KIF13A: variants seen among roughly 807,000 people sequenced by gnomAD.
KIF13A encodes kinesin-like protein KIF13A.
In KIF13A, 79 loss-of-function variants were observed where a neutral mutation model predicts 212.2. That is an observed-to-expected ratio of 0.37 (90% confidence interval 0.31 to 0.45). The LOEUF (loss-of-function observed/expected upper bound fraction) is 0.45, where lower values mean the gene tolerates loss of function less well. KIF13A is among the 20% of genes least tolerant of loss of function. KIF13A has a pLI of 1.00. For missense variants in KIF13A, 1,901 were observed against 2,209.0 expected (o/e 0.86, Z 2.79); for synonymous variants, 789 against 808.6 (o/e 0.98, Z 0.41).
At chr6:17,960,112 C>T (rs1002577216) in intron 2 of KIF13A, among the ~76,000 whole-genome samples, 2 of 151,846 alleles carry the variant, frequency 1.3e-5, no homozygotes, top group African/African-American at 4.8e-5. Context: ...AAAGGTTTAT[C>T]ATGCATTCAT....
intron 2 of KIF13A, among the ~76,000 whole-genome samples, chr6:17,986,791 C>G (rs563134883): frequency 6.6e-6 from 1 of 152,252 alleles, no homozygotes; most frequent in Admixed American, 6.5e-5. Flanking sequence ...GGCCCTCTCC[C>G]TCCCGGGTGC....
chr6:17,976,801 CAAAAA>C (rs998413837), intron 2 of KIF13A, among the ~76,000 whole-genome samples: 7 of 98,746 alleles, frequency 7.1e-5, no homozygotes, highest in Admixed American at 6.7e-4. Flanking sequence ...GACTCCATCT[CAAAAA>C]AAAAAAAAAA....
rs12211658 is a variant in KIF13A at position 17,764,729 on chromosome 6, A to G, written c.4799T>C (p.Phe1600Ser). The change falls in exon 39 of 39, where the codon TTT (phenylalanine) becomes TCT (serine). Residue 1600 changes from phenylalanine (F) to serine (S), a missense_variant. Phe to Ser is a radical substitution (Grantham distance 155). Coordinates refer to ENST00000259711, the MANE Select transcript of KIF13A (RefSeq NM_022113.6). The surrounding 1 kb of genome is among the most constrained non-coding windows in gnomAD (Gnocchi z 5.1). ...GGTGGCATTGGAGGCACTGTGGGAA[A>G]AGTAGCCACTGGTAATACTGCTGGT... is the stretch of plus-strand genomic sequence containing the variant. ...PTTSSITSGY[F>S]SHSASNATLS... 4.6e-3 allele frequency: 7,493 copies of G among 1,613,166 alleles called. 23 individuals carry two copies. Among genetic ancestry groups the G allele is most frequent in the Non-Finnish European group, 5.0e-3 (5,862 of 1,179,506 alleles).
In KIF13A at chr6:17,768,045, G is replaced by A. The variant is rs149964462; in HGVS notation, c.4581+3069C>T. Among the ~76,000 whole-genome samples the A allele has an allele frequency of 6.2e-3, 939 of 152,250 alleles. 14 individuals carry two copies. The highest frequency in any genetic ancestry group is 0.021 in the African/African-American group (859 of 41,528). On this transcript the variant is annotated intron_variant, in intron 38 of 38. Transcript: ENST00000259711. The surrounding 1 kb of genome is among the most constrained non-coding windows in gnomAD (Gnocchi z 5.4). ...CTTATTCCAGAAAAAGGAAAACTTA[G>A]TAGAGATTAAACATTTTCCAATACT...
intron 2 of KIF13A, among the ~76,000 whole-genome samples, chr6:17,921,338 C>T (rs1001241627): frequency 1.3e-5 from 2 of 152,200 alleles, no homozygotes; most frequent in African/African-American, 2.4e-5. Flanking sequence ...GAACACACTT[C>T]AAGGAAAGCT....
rs552646319 is a variant in KIF13A, at chr6:17,789,188, T to C, written c.3261+684A>G. On this transcript the variant is annotated intron_variant, in intron 26 of 38. Coordinates refer to ENST00000259711, the MANE Select transcript of KIF13A (RefSeq NM_022113.6). The surrounding 1 kb of genome is among the most constrained non-coding windows in gnomAD (Gnocchi z 4.8). ...CCCACACTCCATGATATCAGGCCAG[T>C]CAGTGCTGACTAGGTACAATCTCAA... Among the ~76,000 whole-genome samples, 49 of 152,336 alleles carry C rather than the reference T, an allele frequency of 3.2e-4. 1 individual carries two copies. In the South Asian group the frequency reaches 9.5e-3, roughly 30 times the overall value.
chr6:17,798,295 C>T (rs1762213118), intron 22 of KIF13A, among the ~76,000 whole-genome samples: 1 of 152,140 alleles, frequency 6.6e-6, no homozygotes, highest in Non-Finnish European at 1.5e-5. Flanking sequence ...TTTATTAAAA[C>T]AGCTGTTAAC....
chr6:17,882,136 GTATCCTTTCATT>G (rs1229349167), intron 3 of KIF13A: 2 of 448,616 alleles, frequency 4.5e-6, no homozygotes, highest in South Asian at 3.1e-5. Context: ...CATTATCTCT[GTATCCTTTCATT>G]TGTCCTTTCG....
intron 2 of KIF13A, among the ~76,000 whole-genome samples, chr6:17,979,032 C>T (rs756165317): frequency 2.0e-5 from 3 of 152,176 alleles, no homozygotes; most frequent in Non-Finnish European, 4.4e-5. Context: ...CGCCTGTAAT[C>T]CCAGCACTTT....
chr6:17,772,497 A>G lies in KIF13A; in HGVS notation c.4325-438T>C, dbSNP rs1759587131. Among the ~76,000 whole-genome samples the G allele has an allele frequency of 6.6e-6, 1 of 152,242 alleles. No individual in the cohort carries two copies. The highest frequency in any genetic ancestry group is 2.1e-4 in the South Asian group (1 of 4,832). The stretch of plus-strand genomic sequence containing the variant: ...AACCATGGAACAGATGTAGGCAAGA[A>G]TAGACATAAATCTGTGATGTCACAA... On this transcript the variant is annotated intron_variant, in intron 36 of 38. Coordinates refer to ENST00000259711, the MANE Select transcript of KIF13A (RefSeq NM_022113.6). This position sits in a 1 kb window ranked among gnomAD's most constrained non-coding sequence, Gnocchi z 4.8.
chr6:17,834,366 T>A lies in KIF13A; in HGVS notation c.1156-295A>T, dbSNP rs1265915034. 1.3e-5 allele frequency among the ~76,000 whole-genome samples: 2 copies of A among 152,226 alleles called. No individual in the cohort carries two copies. The highest frequency in any genetic ancestry group is 2.9e-5 in the Non-Finnish European group (2 of 68,038). On this transcript the variant is annotated intron_variant, in intron 11 of 38. Coordinates refer to ENST00000259711, the MANE Select transcript of KIF13A (RefSeq NM_022113.6). The surrounding 1 kb of genome is among the most constrained non-coding windows in gnomAD (Gnocchi z 4.0). ...CCCTAAAAGATGCTAACGTTCAACTTTGAAATAGATAAGCAGGACAAAAGG... is the reference window on the plus strand; with the variant it reads ...CCCTAAAAGATGCTAACGTTCAACTATGAAATAGATAAGCAGGACAAAAGG...
Position 17,783,404 on chromosome 6 carries a change from T to A in KIF13A, c.3544+242A>T, listed in dbSNP as rs919313196. 6.6e-6 allele frequency among the ~76,000 whole-genome samples: 1 copy of A among 152,378 alleles called. No individual in the cohort carries two copies. Among genetic ancestry groups the A allele is most frequent in the South Asian group, 2.1e-4 (1 of 4,834 alleles). ...TGATTACTTTCCAGGGTAATTTCTA[T>A]GTCCACTGTTTCAGAGCAACTGTGC... On this transcript the variant is annotated intron_variant, in intron 29 of 38. Transcript: ENST00000259711. The surrounding 1 kb of genome is among the most constrained non-coding windows in gnomAD (Gnocchi z 4.3).
intron 2 of KIF13A, among the ~76,000 whole-genome samples, chr6:17,927,948 C>A (rs527256297): frequency 6.6e-6 from 1 of 152,372 alleles, no homozygotes; most frequent in South Asian, 2.1e-4. Flanking sequence ...CCTGACCACT[C>A]ACAGTCATCA....
intron 7 of KIF13A, among the ~76,000 whole-genome samples, chr6:17,851,043 T>C (rs961418512): frequency 1.3e-5 from 2 of 152,126 alleles, no homozygotes; most frequent in East Asian, 1.9e-4. Flanking sequence ...GGGATGCAAA[T>C]AGAGCACCCT....
At position 17,961,430 on chromosome 6, in the gene KIF13A, G is replaced by C. The variant is rs9477559; in HGVS notation, c.146+25624C>G. Among the ~76,000 whole-genome samples the C allele has an allele frequency of 6.6e-6, 1 of 152,184 alleles. No individual in the cohort carries two copies. The highest frequency in any genetic ancestry group is 1.5e-5 in the Non-Finnish European group (1 of 68,044). On this transcript the variant is annotated intron_variant, in intron 2 of 38. Coordinates refer to ENST00000259711, the MANE Select transcript of KIF13A (RefSeq NM_022113.6). This position sits in a 1 kb window ranked among gnomAD's most constrained non-coding sequence, Gnocchi z 4.1. ...CCAAAATTGGCCCAACAAGCACCAA[G>C]CATATTGTAAGCCCTTTATATTCTC...
intron 2 of KIF13A, among the ~76,000 whole-genome samples, chr6:17,977,332 T>C (rs964016606): frequency 1.1e-4 from 17 of 152,318 alleles, no homozygotes; most frequent in African/African-American, 4.1e-4. Context: ...TTCACTATAA[T>C]GTAAGAGAAT....
chr6:17,972,600 C>G (rs1779900936), intron 2 of KIF13A, among the ~76,000 whole-genome samples: 1 of 152,156 alleles, frequency 6.6e-6, no homozygotes, highest in Non-Finnish European at 1.5e-5. Flanking sequence ...CTTCCAAAAT[C>G]CGGGACAGAT....
chr6:17,874,003 TA>T (rs1437736974), intron 3 of KIF13A, among the ~76,000 whole-genome samples: 7 of 152,292 alleles, frequency 4.6e-5, no homozygotes, highest in Admixed American at 1.3e-4. Flanking sequence ...TTTAACGAGA[TA>T]TTTTTTTCCA....
chr6:17,927,676 T>A (rs1193483699), intron 2 of KIF13A, among the ~76,000 whole-genome samples: 3 of 152,242 alleles, frequency 2.0e-5, no homozygotes, highest in Non-Finnish European at 4.4e-5. Context: ...ATTTTAAGTA[T>A]ATTTTGCCAC....
Sources: gnomAD v4.1 joint callset for allele counts (sites outside exome capture counted in the v4.1 genomes callset) on GRCh38, gnomAD v4.1.1 for gene constraint, Gnocchi (gnomAD v3.1) non-coding constraint, MANE v1.5 for transcripts, NCBI Gene and HGNC (gene_info 2026-07-23, HGNC 2026-07-21) for gene names.